RBM19: variants seen among roughly 807,000 people sequenced by gnomAD.
RBM19 encodes probable RNA-binding protein 19.
In RBM19, 94 loss-of-function variants were observed where a neutral mutation model predicts 116.8. The observed-to-expected ratio is 0.80, with a 90% CI of 0.68 to 0.95. The LOEUF (loss-of-function observed/expected upper bound fraction) is 0.95, where lower values mean the gene tolerates loss of function less well. Among genes scored for constraint, RBM19 ranks in the 40% least tolerant of loss-of-function variants. RBM19 has a pLI of 0.00. For missense variants in RBM19, 1,161 were observed against 1,220.7 expected (o/e 0.95, Z 0.73); for synonymous variants, 475 against 494.1 (o/e 0.96, Z 0.51).
chr12:113,940,311 CCT>C (rs1870455264), intron 14 of RBM19, 151 bp from the exon 15 acceptor site: 1 of 774,948 alleles, frequency 1.3e-6, no homozygotes, highest in Non-Finnish European at 2.1e-6. Context: ...GAGGAACGAC[CCT>C]CTCTGGCATG....
chr12:113,863,211 C>CTGTGTGTGTG (rs3065431), intron 21 of RBM19, among the ~76,000 whole-genome samples: 2 of 148,412 alleles, frequency 1.3e-5, no homozygotes, highest in African/African-American at 5.0e-5. Flanking sequence ...ATACGTGTGT[C>CTGTGTGTGTG]TGTGTGTGTG....
Position 113,950,008 on chromosome 12 carries a change from A to C in RBM19, c.1072+75T>G, listed in dbSNP as rs1232549720. 1.7e-5 allele frequency: 22 copies of C among 1,316,558 alleles called. No individual in the cohort carries two copies. In the Admixed American group the frequency reaches 2.1e-4, roughly 13 times the overall value. 81.6% of individuals were successfully genotyped at this position (1,316,558 alleles called of 1,614,324 possible). ...TTGGTGGTGGTGATGGTGCTGGTAC[A>C]AGAACGTGTAAAGGAAATGAAGGAA... On this transcript the variant is annotated intron_variant, in intron 9 of 23. Transcript: ENST00000261741.
intron 13 of RBM19, among the ~76,000 whole-genome samples, chr12:113,944,839 A>G (rs1379975984): frequency 6.9e-6 from 1 of 145,894 alleles, no homozygotes; most frequent in Non-Finnish European, 1.5e-5. Context: ...ATGTATATGA[A>G]TGTGTATATA....
intron 23 of RBM19, among the ~76,000 whole-genome samples, chr12:113,838,039 C>T (rs1268464789): frequency 1.3e-5 from 2 of 152,204 alleles, no homozygotes; most frequent in African/African-American, 4.8e-5. Context: ...GCTATATATA[C>T]ATTTAAGACA....
At chr12:113,878,066 A>G (rs1014148314) in intron 21 of RBM19, among the ~76,000 whole-genome samples, 1 of 152,192 alleles carries the variant, frequency 6.6e-6, no homozygotes, top group Admixed American at 6.5e-5. Flanking sequence ...GTTACAGCAG[A>G]GCTGAAGATC....
chr12:113,844,841 C>T, intron 22 of RBM19, 53 bp from the exon 23 acceptor site: 1 of 1,522,532 alleles, frequency 6.6e-7, no homozygotes, highest in Non-Finnish European at 8.9e-7. Context: ...GTGCGGCAGA[C>T]ACTCCACTCT....
chr12:113,860,253 G>A (rs569842472), intron 21 of RBM19, among the ~76,000 whole-genome samples: 1 of 152,236 alleles, frequency 6.6e-6, no homozygotes, highest in East Asian at 1.9e-4. Flanking sequence ...GGGGACCAGA[G>A]GCTGGGCAGG....
chr12:113,830,066 C>T lies in RBM19; in HGVS notation c.2786-6745G>A, dbSNP rs193065888. 1.4e-4 allele frequency among the ~76,000 whole-genome samples: 21 copies of T among 152,328 alleles called. No homozygotes were observed. The East Asian group carries it at 4.1e-3, about 29-fold the overall frequency. The stretch of plus-strand genomic sequence containing the variant: ...GACTCTGAAGAGTCAAGTGGTCACA[C>T]TTTCCAAGCAGGACCTTGAGCTCAG... On this transcript the variant is annotated intron_variant, in intron 23 of 23. Transcript: ENST00000261741.
At chr12:113,946,860 T>C (rs1871070277) in intron 11 of RBM19, among the ~76,000 whole-genome samples, 1 of 152,138 alleles carries the variant, frequency 6.6e-6, no homozygotes, top group African/African-American at 2.4e-5. Flanking sequence ...AATAAATCAA[T>C]GAATGAATGA....
In RBM19 at chr12:113,918,300, T is replaced by C. The variant is rs1303204473; in HGVS notation, c.2441+92A>G. The C allele has an allele frequency of 4.1e-6, 5 of 1,218,482 alleles. No individual in the cohort carries two copies. In the East Asian group the frequency reaches 7.0e-5, roughly 17 times the overall value. The allele number at this position is 1,218,482 out of a possible 1,614,324, so 75.5% of individuals were successfully genotyped here. On this transcript the variant is annotated intron_variant, in intron 20 of 23. Coordinates refer to ENST00000261741, the MANE Select transcript of RBM19 (RefSeq NM_016196.4). ...GTAAAGGGATAGGTGGAAAGGACAT[T>C]GAAGGGTTGTGAGACAGCCTCCAGG...
At chr12:113,818,153 G>A (rs1874174475), downstream of RBM19, 1 of 147,222 alleles carries the variant, frequency 6.8e-6, no homozygotes, top group Non-Finnish European at 1.5e-5. Flanking sequence ...TTGAACCAGG[G>A]AGGTGAGCCC....
At chr12:113,842,715 A>G (rs968202666) in intron 23 of RBM19, among the ~76,000 whole-genome samples, 1 of 152,202 alleles carries the variant, frequency 6.6e-6, no homozygotes, top group Non-Finnish European at 1.5e-5. Context: ...AGAGTAGAGG[A>G]TGGAGAAATT....
Position 113,823,135 on chromosome 12 carries a change from C to G in RBM19, c.*89G>C. 7.8e-6 allele frequency: 10 copies of G among 1,287,988 alleles called. No homozygotes were observed. Among genetic ancestry groups the G allele is most frequent in the Non-Finnish European group, 1.1e-5 (10 of 922,814 alleles). 79.8% of individuals were successfully genotyped at this position (1,287,988 alleles called of 1,614,324 possible). On this transcript the variant is annotated 3_prime_UTR_variant, in exon 24 of 24. Transcript: ENST00000261741. The stretch of plus-strand genomic sequence containing the variant: ...GGCCGCCTGCCGCTCCCCGCCCCGC[C>G]CCCCAGCCCACATGGTGGTGAGTGC...
intron 16 of RBM19, among the ~76,000 whole-genome samples, chr12:113,934,109 C>T (rs369757387): frequency 4.0e-4 from 61 of 152,322 alleles, no homozygotes; most frequent in African/African-American, 1.1e-3. Flanking sequence ...TGCACCACTA[C>T]GCCCAGCTAA....
chr12:113,882,202 G>A (rs1880187328), intron 21 of RBM19, among the ~76,000 whole-genome samples: 1 of 152,196 alleles, frequency 6.6e-6, no homozygotes, highest in Admixed American at 6.5e-5. Context: ...CATGGCTTGG[G>A]GTGAAAAGAA....
chr12:113,868,214 A>G (rs78361338), intron 21 of RBM19, among the ~76,000 whole-genome samples: 6,386 of 152,226 alleles, frequency 0.042, 347 homozygotes, highest in Admixed American at 0.16. Context: ...AAGCTATTAA[A>G]TGGTGAGACA....
At chr12:113,913,368 T>C (rs975296980) in intron 21 of RBM19, among the ~76,000 whole-genome samples, 7 of 151,924 alleles carry the variant, frequency 4.6e-5, no homozygotes, top group African/African-American at 1.7e-4. Context: ...TTTAGGGAAA[T>C]GGGAAACCTC....
intron 23 of RBM19, among the ~76,000 whole-genome samples, chr12:113,830,570 C>T (rs1212444567): frequency 2.5e-4 from 2 of 7,856 alleles, no homozygotes; most frequent in South Asian, 3.2e-3. Context: ...GCTAGGGCTG[C>T]GGGGCGGGGG....
chr12:113,818,621 A>G (rs1425596038), downstream of RBM19, among the ~76,000 whole-genome samples: 2 of 152,256 alleles, frequency 1.3e-5, no homozygotes, highest in African/African-American at 4.8e-5. Context: ...ACAGTCTGCT[A>G]ACTACTTTCC....
Sources: gnomAD v4.1 joint callset for allele counts (sites outside exome capture counted in the v4.1 genomes callset) on GRCh38, gnomAD v4.1.1 for gene constraint, MANE v1.5 for transcripts, NCBI Gene and HGNC (gene_info 2026-07-23, HGNC 2026-07-21) for gene names.